Variants in SGK3 observed in about 807,000 individuals in gnomAD.
SGK3 encodes the protein serum/glucocorticoid regulated kinase family member 3, also known as serine/threonine-protein kinase Sgk3.
Under a neutral mutation model 68.5 loss-of-function variants are expected in SGK3, and 47 were observed. The observed-to-expected ratio is 0.69, with a 90% CI of 0.54 to 0.87. The LOEUF (loss-of-function observed/expected upper bound fraction) is 0.87. SGK3 is among the 40% of genes least tolerant of loss of function. The pLI, the probability that SGK3 is intolerant of heterozygous loss-of-function variation, is 0.00. For missense variants in SGK3, 479 were observed against 575.5 expected (o/e 0.83, Z 1.72); for synonymous variants, 181 against 189.1 (o/e 0.96, Z 0.35).
chr8:66,833,634 T>C (rs1030159628), intron 8 of SGK3, among the ~76,000 whole-genome samples: 2 of 152,218 alleles, frequency 1.3e-5, no homozygotes, highest in African/African-American at 4.8e-5. Flanking sequence ...GACCATGGTA[T>C]ATTACTTTGT....
intron 1 of SGK3, among the ~76,000 whole-genome samples, chr8:66,725,023 G>A (rs1321583148): frequency 1.3e-5 from 2 of 152,082 alleles, no homozygotes; most frequent in African/African-American, 4.8e-5. Flanking sequence ...TCAGGAGATC[G>A]AGACCATCCT....
intron 1 of SGK3, among the ~76,000 whole-genome samples, chr8:66,780,214 G>A (rs1806918221): frequency 6.6e-6 from 1 of 152,196 alleles, no homozygotes; most frequent in African/African-American, 2.4e-5. Context: ...TCAGGAGACT[G>A]ATGAAGGAAT....
intron 3 of SGK3, among the ~76,000 whole-genome samples, chr8:66,799,825 T>C (rs999970621): frequency 1.3e-5 from 2 of 152,126 alleles, no homozygotes; most frequent in Non-Finnish European, 2.9e-5. Flanking sequence ...GGTTTTGCCA[T>C]GTTGGCGAGG....
chr8:66,771,813 T>C (rs1806520290), intron 1 of SGK3, among the ~76,000 whole-genome samples: 1 of 152,076 alleles, frequency 6.6e-6, no homozygotes, highest in African/African-American at 2.4e-5. Context: ...GTTTGGGCAA[T>C]GAGGTGAAGA....
intron 6 of SGK3, among the ~76,000 whole-genome samples, chr8:66,823,289 C>T (rs990303689): frequency 3.3e-5 from 5 of 152,194 alleles, no homozygotes; most frequent in Non-Finnish European, 7.4e-5. Flanking sequence ...ATATACAGAA[C>T]AGTCAATACA....
rs946229079 is a variant in SGK3 at position 66,796,931 on chromosome 8, A to C, written c.97-1611A>C. ...GTGAAATCTAAGGATTTCACAGGAAATCTAATCTTGTTTTTTTTTTTTTTA... is the reference window on the plus strand; with the variant it reads ...GTGAAATCTAAGGATTTCACAGGAACTCTAATCTTGTTTTTTTTTTTTTTA... On this transcript the variant is annotated intron_variant, in intron 2 of 16. Transcript: ENST00000521198. Among the ~76,000 whole-genome samples, 4 of 149,964 alleles carry C rather than the reference A, an allele frequency of 2.7e-5. No homozygotes were observed. The East Asian group carries it at 7.7e-4, about 29-fold the overall frequency.
At chr8:66,785,784 C>G (rs1042447378) in intron 1 of SGK3, among the ~76,000 whole-genome samples, 1 of 152,204 alleles carries the variant, frequency 6.6e-6, no homozygotes, top group Non-Finnish European at 1.5e-5. Context: ...TGAGTTGATT[C>G]ATGAGTTGAA....
chr8:66,838,093 GTC>G (rs900626668), intron 10 of SGK3, among the ~76,000 whole-genome samples: 3 of 152,100 alleles, frequency 2.0e-5, no homozygotes, highest in Non-Finnish European at 2.9e-5. Flanking sequence ...TTGAGACGGA[GTC>G]TCTCTCTGTC....
intron 6 of SGK3, among the ~76,000 whole-genome samples, 167 bp from the exon 7 acceptor site, chr8:66,828,487 T>C (rs542981693): frequency 5.3e-5 from 8 of 152,376 alleles, no homozygotes; most frequent in African/African-American, 1.9e-4. Context: ...TGTCTATGTG[T>C]ATTTCCAAGT....
At chr8:66,792,268 G>T (rs966082560) in intron 1 of SGK3, among the ~76,000 whole-genome samples, 1 of 149,908 alleles carries the variant, frequency 6.7e-6, no homozygotes, top group Non-Finnish European at 1.5e-5. Context: ...GGCGGAGGTT[G>T]TGGTGAGCTG....
Position 66,848,704 on chromosome 8 carries a change from C to T in SGK3, c.1230+1356C>T, listed in dbSNP as rs186844626. Among the ~76,000 whole-genome samples the T allele has an allele frequency of 1.7e-3, 259 of 152,022 alleles. 3 individuals carry two copies. Among genetic ancestry groups the T allele is most frequent in the African/African-American group, 5.9e-3 (246 of 41,494 alleles). ...AACTGCTCCCCTTTTTTTCTGGTTC[C>T]TTCCAGTCAGTAATTAAATGTTATC... On this transcript the variant is annotated intron_variant, in intron 15 of 16. Transcript: ENST00000521198.
chr8:66,751,346 ATTTC>A, intron 1 of SGK3, among the ~76,000 whole-genome samples: 1 of 152,280 alleles, frequency 6.6e-6, no homozygotes, highest in South Asian at 2.1e-4. Context: ...TTTATAGGGC[ATTTC>A]TGTACATATA....
chr8:66,770,156 G>A (rs532101918), intron 1 of SGK3, among the ~76,000 whole-genome samples: 1 of 151,396 alleles, frequency 6.6e-6, no homozygotes, highest in South Asian at 2.1e-4. Flanking sequence ...GAGTTTCCCC[G>A]TGTTTGCCAG....
chr8:66,738,626 C>G (rs552124989), intron 1 of SGK3, among the ~76,000 whole-genome samples: 8 of 148,478 alleles, frequency 5.4e-5, no homozygotes, highest in Admixed American at 1.3e-4. Flanking sequence ...GCTCAAGATC[C>G]ACTTTCTTTT....
At chr8:66,806,533 A>C (rs1043717435) in intron 4 of SGK3, among the ~76,000 whole-genome samples, 4 of 152,054 alleles carry the variant, frequency 2.6e-5, no homozygotes, top group Non-Finnish European at 4.4e-5. Context: ...TCTTACAGAG[A>C]GCAGATATGG....
chr8:66,842,366 G>T (rs1047124270), intron 13 of SGK3, among the ~76,000 whole-genome samples: 1 of 151,826 alleles, frequency 6.6e-6, no homozygotes, highest in East Asian at 1.9e-4. Flanking sequence ...GACTACAGGC[G>T]CCCGCCACCA....
intron 1 of SGK3, among the ~76,000 whole-genome samples, chr8:66,758,097 T>A (rs1806044929): frequency 6.6e-6 from 1 of 150,770 alleles, no homozygotes; most frequent in South Asian, 2.1e-4. Context: ...CTCACACCTG[T>A]AATCCCAGCA....
chr8:66,731,357 A>C (rs1805145909), intron 1 of SGK3, among the ~76,000 whole-genome samples: 1 of 152,284 alleles, frequency 6.6e-6, no homozygotes, highest in Non-Finnish European at 1.5e-5. Context: ...TATTCTCCTA[A>C]ATACTTTTCA....
rs540054792 is a variant in SGK3, at chr8:66,733,389, T to C, written c.-122+20556T>C. Among the ~76,000 whole-genome samples, 101 of 152,330 alleles carry C rather than the reference T, an allele frequency of 6.6e-4. No homozygotes were observed. In the South Asian group the frequency reaches 0.021, roughly 31 times the overall value. ...ATTATCTCTTTCCATTTTGATCATGTGGCAGTCACCCCTGTTAGCAACACT... is the reference window on the plus strand; with the variant it reads ...ATTATCTCTTTCCATTTTGATCATGCGGCAGTCACCCCTGTTAGCAACACT... On this transcript the variant is annotated intron_variant, in intron 1 of 16. Coordinates refer to ENST00000521198, the MANE Select transcript of SGK3 (RefSeq NM_001033578.3).
Sources: gnomAD v4.1 joint callset for allele counts (sites outside exome capture counted in the v4.1 genomes callset) on GRCh38, gnomAD v4.1.1 for gene constraint, MANE v1.5 for transcripts, NCBI Gene and HGNC (gene_info 2026-07-23, HGNC 2026-07-21) for gene names.